HK2: variants seen among roughly 807,000 people sequenced by gnomAD.
HK2 encodes the protein hexokinase 2.
In HK2, 42 loss-of-function variants were observed where a neutral mutation model predicts 92.9. The observed-to-expected ratio is 0.45, with a 90% confidence interval of 0.35 to 0.58. HK2 has a LOEUF of 0.58. HK2 is among the 20% of genes least tolerant of loss of function. The pLI, the probability that HK2 is intolerant of heterozygous loss-of-function variation, is 0.00. For synonymous variants in HK2, 422 were observed against 468.0 expected (o/e 0.90, Z 1.27); for missense variants, 978 against 1,245.1 (o/e 0.79, Z 3.23).
At chr2:74,862,216 TCA>T (rs1688847818) in intron 2 of HK2, among the ~76,000 whole-genome samples, 1 of 152,232 alleles carries the variant, frequency 6.6e-6, no homozygotes, top group Non-Finnish European at 1.5e-5. Flanking sequence ...TTGCCCAAAG[TCA>T]CAGTGAGCAA....
intron 2 of HK2, among the ~76,000 whole-genome samples, chr2:74,863,482 A>G (rs1370813570): frequency 6.6e-6 from 1 of 152,184 alleles, no homozygotes; most frequent in Non-Finnish European, 1.5e-5. Flanking sequence ...CCGGCATTGC[A>G]TTGTAATGGA....
At chr2:74,880,676 C>T (rs928443896) in intron 10 of HK2, 107 bp downstream of exon 10, 17 of 1,168,360 alleles carry the variant, frequency 1.5e-5, no homozygotes, top group East Asian at 2.6e-5. Flanking sequence ...AACCAGAACA[C>T]GTTTCTTCAG....
chr2:74,854,678 G>A (rs959539664), intron 2 of HK2, among the ~76,000 whole-genome samples: 4 of 152,206 alleles, frequency 2.6e-5, no homozygotes, highest in Non-Finnish European at 4.4e-5. Context: ...CCCTACTGTG[G>A]CATCACTGTT....
At chr2:74,883,519 T>C (rs1217699252) in intron 12 of HK2, among the ~76,000 whole-genome samples, 2 of 152,176 alleles carry the variant, frequency 1.3e-5, no homozygotes, top group Non-Finnish European at 2.9e-5. Context: ...CCTACCCTAG[T>C]GACAAGGAAA....
intron 7 of HK2, among the ~76,000 whole-genome samples, chr2:74,875,556 C>T (rs998786025): frequency 7.9e-5 from 12 of 152,046 alleles, no homozygotes; most frequent in Non-Finnish European, 1.6e-4. Flanking sequence ...CTCGAACTCC[C>T]GACCTCAGGC....
At chr2:74,859,734 A>G (rs1188184418) in intron 2 of HK2, among the ~76,000 whole-genome samples, 3 of 152,260 alleles carry the variant, frequency 2.0e-5, no homozygotes, top group African/African-American at 7.2e-5. Flanking sequence ...GGGAATGTAA[A>G]TAAGTACATC....
At chr2:74,848,164 G>A (rs1688486792) in intron 1 of HK2, among the ~76,000 whole-genome samples, 1 of 152,118 alleles carries the variant, frequency 6.6e-6, no homozygotes, top group Admixed American at 6.5e-5. Context: ...TTGATTGCCA[G>A]TCTCTCAGGC....
At chr2:74,866,120 C>T (rs115687736) in intron 2 of HK2, among the ~76,000 whole-genome samples, 2,071 of 152,046 alleles carry the variant, frequency 0.014, 60 homozygotes, top group African/African-American at 0.047. Context: ...TGATGTCTAC[C>T]GTTTTCCCTC....
intron 10 of HK2, among the ~76,000 whole-genome samples, chr2:74,880,770 A>G (rs901762897): frequency 2.6e-5 from 4 of 152,264 alleles, no homozygotes; most frequent in African/African-American, 9.6e-5. Context: ...ACACTTATTG[A>G]ATGCTTACTG....
intron 2 of HK2, among the ~76,000 whole-genome samples, chr2:74,864,386 T>C (rs767471506): frequency 7.2e-5 from 11 of 152,358 alleles, no homozygotes; most frequent in Non-Finnish European, 1.5e-4. Context: ...CCTGCCTTAC[T>C]GGACACCAGA....
At chr2:74,840,742 G>A (rs1255010643) in intron 1 of HK2, among the ~76,000 whole-genome samples, 1 of 151,678 alleles carries the variant, frequency 6.6e-6, no homozygotes, top group Non-Finnish European at 1.5e-5. Context: ...AGCCGGGCGT[G>A]GTGGCAGGCA....
chr2:74,845,493 C>G (rs1221882506), intron 1 of HK2, among the ~76,000 whole-genome samples: 2 of 152,242 alleles, frequency 1.3e-5, no homozygotes, highest in Non-Finnish European at 2.9e-5. Context: ...GTGCTGCTGC[C>G]TAAGGTCTGT....
chr2:74,886,038 A>G (rs944635094), intron 13 of HK2, among the ~76,000 whole-genome samples: 6 of 152,048 alleles, frequency 3.9e-5, no homozygotes, highest in Non-Finnish European at 5.9e-5. Flanking sequence ...TTAAAAAAAA[A>G]AAAGAAAGAA....
chr2:74,889,105 T>C (rs926050977), intron 16 of HK2, 140 bp from the exon 17 acceptor site: 8 of 729,072 alleles, frequency 1.1e-5, no homozygotes, highest in Middle Eastern at 2.5e-4. Context: ...AATTTAGGAA[T>C]GGGAACCACC....
At chr2:74,856,593 T>A (rs1026013977) in intron 2 of HK2, among the ~76,000 whole-genome samples, 14 of 152,216 alleles carry the variant, frequency 9.2e-5, no homozygotes, top group Non-Finnish European at 2.1e-4. Context: ...GTACCCTAAA[T>A]CTTTTCTAAA....
At chr2:74,836,900 T>C (rs1313575106) in intron 1 of HK2, among the ~76,000 whole-genome samples, 5 of 152,208 alleles carry the variant, frequency 3.3e-5, no homozygotes, top group African/African-American at 7.2e-5. Flanking sequence ...TAAGATAATC[T>C]TACATATTCT....
At chr2:74,877,044 C>A in intron 7 of HK2, 122 bp from the exon 8 acceptor site, 2 of 1,320,654 alleles carry the variant, frequency 1.5e-6, no homozygotes, top group Non-Finnish European at 2.1e-6. Flanking sequence ...TACTCCTGGG[C>A]CGTGCTGCAC....
chr2:74,850,239 A>T lies in HK2; in HGVS notation c.64-4054A>T, dbSNP rs1052169093. ...TCTGGAATGGATCCTTGGAATTCTT[A>T]CTGTTTTCTTTAAAAGCTCCTCATG... On this transcript the variant is annotated intron_variant, in intron 1 of 17. Coordinates refer to ENST00000290573, the MANE Select transcript of HK2 (RefSeq NM_000189.5). 2.8e-4 allele frequency among the ~76,000 whole-genome samples: 42 copies of T among 152,338 alleles called. 1 individual carries two copies. The highest frequency in any genetic ancestry group is 1.0e-3 in the African/African-American group (42 of 41,578).
At chr2:74,881,678 C>T (rs1689395255) in intron 10 of HK2, 33 bp from the exon 11 acceptor site, 1 of 1,612,772 alleles carries the variant, frequency 6.2e-7, no homozygotes, top group South Asian at 1.1e-5. Flanking sequence ...ATGTTCTGCC[C>T]CAACTTATCA....
Sources: allele counts gnomAD v4.1 joint callset (sites outside exome capture counted in the v4.1 genomes callset), GRCh38; gene constraint gnomAD v4.1.1; transcripts MANE v1.5; gene names NCBI Gene and HGNC (gene_info 2026-07-23, HGNC 2026-07-21).